The following MIPOL1 variants were observed in gnomAD, a reference collection of about 807,000 sequenced individuals.
MIPOL1 encodes the protein mirror-image polydactyly gene 1 protein.
Under a neutral mutation model 60.9 loss-of-function variants are expected in MIPOL1, and 57 were observed. The ratio of observed to expected loss-of-function variants is 0.94; its 90% confidence interval spans 0.76 to 1.17. The LOEUF (loss-of-function observed/expected upper bound fraction) is 1.17. Among genes scored for constraint, MIPOL1 ranks in the 50% most tolerant of loss-of-function variants. The probability of loss-of-function intolerance (pLI) is 0.00; values close to 1 mark genes in which losing one functional copy is unlikely to be tolerated. For synonymous variants in MIPOL1, 179 were observed against 168.8 expected, an observed-to-expected ratio of 1.06 and a Z score of -0.47; for missense variants, 551 against 511.6, an observed-to-expected ratio of 1.08 and a Z score of -0.74.
chr14:37,232,766 A>G (rs1254649937), intron 1 of MIPOL1, among the ~76,000 whole-genome samples: 2 of 152,194 alleles, frequency 1.3e-5, no homozygotes, highest in Non-Finnish European at 2.9e-5. Context: ...GGGCCTTTAA[A>G]TCAGCCTGCC....
chr14:37,392,286 T>C (rs1405368001), intron 10 of MIPOL1, among the ~76,000 whole-genome samples: 2 of 152,146 alleles, frequency 1.3e-5, no homozygotes. Flanking sequence ...ATTTTGCACA[T>C]TTGTTGCATT....
chr14:37,509,818 A>G (rs563570316), intron 12 of MIPOL1, among the ~76,000 whole-genome samples: 1 of 151,704 alleles, frequency 6.6e-6, no homozygotes, highest in East Asian at 1.9e-4. Context: ...TATAAGCTAT[A>G]TATGTATGTG....
intron 10 of MIPOL1, among the ~76,000 whole-genome samples, chr14:37,393,936 G>C (rs1446792027): frequency 6.7e-6 from 1 of 150,274 alleles, no homozygotes; most frequent in Non-Finnish European, 1.5e-5. Context: ...TTATCAGTGA[G>C]AACATATGAT....
intron 11 of MIPOL1, among the ~76,000 whole-genome samples, chr14:37,441,675 G>A (rs1428838417): frequency 6.6e-6 from 1 of 151,800 alleles, no homozygotes; most frequent in African/African-American, 2.4e-5. Context: ...ATAATATACT[G>A]TAAAAAGCCT....
At chr14:37,278,346 A>G (rs1279950752) in intron 6 of MIPOL1, 1 of 151,662 alleles carries the variant, frequency 6.6e-6, no homozygotes, top group Non-Finnish European at 1.5e-5. Context: ...TCTAGAATAT[A>G]TATGTGGTGG....
chr14:37,338,338 C>T (rs1394093131), intron 9 of MIPOL1, among the ~76,000 whole-genome samples: 1 of 151,516 alleles, frequency 6.6e-6, no homozygotes, highest in African/African-American at 2.4e-5. Flanking sequence ...TCTCGATCTC[C>T]TGACCTCATG....
At chr14:37,483,787 T>C (rs998803850) in intron 11 of MIPOL1, among the ~76,000 whole-genome samples, 1 of 151,998 alleles carries the variant, frequency 6.6e-6, no homozygotes, top group Non-Finnish European at 1.5e-5. Context: ...AGTGTATGCC[T>C]CCACACCTGA....
chr14:37,462,143 A>G (rs576821019), intron 11 of MIPOL1, among the ~76,000 whole-genome samples: 1 of 152,314 alleles, frequency 6.6e-6, no homozygotes, highest in South Asian at 2.1e-4. Flanking sequence ...ACATCTTCTG[A>G]AATCTAGGCA....
At chr14:37,200,898 G>GTGTA (rs1566965436) in intron 1 of MIPOL1, among the ~76,000 whole-genome samples, 1 of 42,436 alleles carries the variant, frequency 2.4e-5, no homozygotes, top group African/African-American at 1.2e-4. Context: ...GTGTGTGTGT[G>GTGTA]TATTTTTTTT....
At chr14:37,420,612 C>G (rs1445020831) in intron 10 of MIPOL1, among the ~76,000 whole-genome samples, 2 of 151,994 alleles carry the variant, frequency 1.3e-5, no homozygotes, top group Admixed American at 1.3e-4. Flanking sequence ...GCAACAGATA[C>G]CCAACTCAGA....
intron 12 of MIPOL1, among the ~76,000 whole-genome samples, chr14:37,514,724 C>T (rs1428427446): frequency 6.6e-6 from 1 of 151,792 alleles, no homozygotes; most frequent in Non-Finnish European, 1.5e-5. Context: ...CGAGTTCATG[C>T]GATTCTCCTG....
intron 10 of MIPOL1, among the ~76,000 whole-genome samples, chr14:37,379,863 A>G (rs1379901450): frequency 1.3e-5 from 2 of 152,114 alleles, no homozygotes; most frequent in Non-Finnish European, 2.9e-5. Context: ...AAGAATGAAG[A>G]GTGTAACAAA....
At chr14:37,280,516 C>CAG (rs1882803722) in intron 6 of MIPOL1, among the ~76,000 whole-genome samples, 1 of 152,158 alleles carries the variant, frequency 6.6e-6, no homozygotes, top group East Asian at 1.9e-4. Context: ...GCCAATCTAA[C>CAG]GGGTGAGATG....
At chr14:37,270,293 G>T in intron 5 of MIPOL1, 127 bp from the exon 6 acceptor site, 2 of 426,430 alleles carry the variant, frequency 4.7e-6, no homozygotes, top group South Asian at 6.0e-5. Flanking sequence ...TTTTTTTCTG[G>T]AGTTATCTAT....
chr14:37,371,313 T>C (rs1015973418), intron 10 of MIPOL1, among the ~76,000 whole-genome samples: 11 of 151,884 alleles, frequency 7.2e-5, no homozygotes. Context: ...AGAGTCGAGG[T>C]TTCACTATGT....
chr14:37,358,304 T>C (rs1360304753), intron 9 of MIPOL1, among the ~76,000 whole-genome samples: 1 of 152,226 alleles, frequency 6.6e-6, no homozygotes, highest in Non-Finnish European at 1.5e-5. Context: ...AACATACCTG[T>C]GCATGTGTCT....
chr14:37,238,760 G>C (rs1234350436), intron 1 of MIPOL1, among the ~76,000 whole-genome samples: 1 of 150,814 alleles, frequency 6.6e-6, no homozygotes, highest in African/African-American at 2.4e-5. Context: ...GACCAGTCTG[G>C]GCAACACGGT....
intron 1 of MIPOL1, among the ~76,000 whole-genome samples, chr14:37,216,369 A>T (rs1292733942): frequency 1.3e-5 from 2 of 152,204 alleles, no homozygotes; most frequent in Admixed American, 1.3e-4. Flanking sequence ...AGTATTGAAC[A>T]TATTTTCCAG....
chr14:37,371,836 T>C (rs949800803), intron 10 of MIPOL1, among the ~76,000 whole-genome samples: 1 of 152,170 alleles, frequency 6.6e-6, no homozygotes, highest in Non-Finnish European at 1.5e-5. Context: ...GCATTAATTA[T>C]AGCACTATGT....
Sources: gnomAD v4.1 joint callset for allele counts (sites outside exome capture counted in the v4.1 genomes callset) on GRCh38, gnomAD v4.1.1 for gene constraint, MANE v1.5 for transcripts, NCBI Gene and HGNC (gene_info 2026-07-23, HGNC 2026-07-21) for gene names.